Variants in MCF2L observed in about 807,000 individuals in gnomAD.
The protein encoded by MCF2L is MCF.2 cell line derived transforming sequence like, also known as guanine nucleotide exchange factor DBS.
Under a neutral mutation model 153.4 loss-of-function variants are expected in MCF2L, and 97 were observed. The ratio of observed to expected loss-of-function variants is 0.63; its 90% confidence interval spans 0.54 to 0.75. The LOEUF (loss-of-function observed/expected upper bound fraction) is 0.75, where lower values mean the gene tolerates loss of function less well. MCF2L is among the 30% of genes least tolerant of loss of function. MCF2L has a pLI of 0.00. For missense variants in MCF2L, 1,347 were observed against 1,495.2 expected (o/e 0.90, Z 1.64); for synonymous variants, 659 against 632.2 (o/e 1.04, Z -0.64).
At chr13:112,968,437 G>T, upstream of MCF2L, 2 of 1,584,672 alleles carry the variant, frequency 1.3e-6, no homozygotes, top group Non-Finnish European at 8.5e-7. Context: ...TGCGTGTGTC[G>T]AGTGCACAGT....
rs2087624647 is a variant in MCF2L, at chr13:113,054,873, A to T, written c.370-5720A>T. 6.6e-6 allele frequency: 1 copy of T among 152,244 alleles called. No individual in the cohort carries two copies. The highest frequency in any genetic ancestry group is 2.1e-4 in the South Asian group (1 of 4,824). 9.4% of individuals were successfully genotyped at this position (152,244 alleles called of 1,614,324 possible). A position where few individuals can be genotyped will look rare whatever the true frequency, so the allele number is the denominator to read the frequency against. On this transcript the variant is annotated intron_variant, in intron 4 of 29. Coordinates refer to ENST00000535094, the MANE Select transcript of MCF2L (RefSeq NM_001112732.3). This position sits in a 1 kb window ranked among gnomAD's most constrained non-coding sequence, Gnocchi z 5.2. ...GACTACAGTGCTGTGGTCATCACAC[A>T]TATCTGTTCCTAAGTTCATCCAGGT...
chr13:113,046,583 T>C lies in MCF2L; in HGVS notation c.369+1222T>C. On this transcript the variant is annotated intron_variant, in intron 4 of 29. Coordinates refer to ENST00000535094, the MANE Select transcript of MCF2L (RefSeq NM_001112732.3). The surrounding 1 kb of genome is among the most constrained non-coding windows in gnomAD (Gnocchi z 4.4). ...CTTTCCCCGCACATTGCCTCATTCC[T>C]TCATCTTTTACAAGAATTAGAGGCC... 1.9e-6 allele frequency: 1 copy of C among 533,388 alleles called. No homozygotes were observed. Among genetic ancestry groups the C allele is most frequent in the South Asian group, 1.4e-5 (1 of 71,572 alleles). 33.0% of individuals were successfully genotyped at this position (533,388 alleles called of 1,614,324 possible).
chr13:112,918,889 C>T (rs1040345382), intron 2 of MCF2L, among the ~76,000 whole-genome samples: 5 of 152,116 alleles, frequency 3.3e-5, no homozygotes, highest in Non-Finnish European at 7.4e-5. Flanking sequence ...CTGGATTACA[C>T]GGATTCTTGA....
intron 1 of MCF2L, among the ~76,000 whole-genome samples, chr13:112,986,244 C>T (rs570359065): frequency 1.6e-4 from 24 of 152,318 alleles, no homozygotes; most frequent in African/African-American, 5.5e-4. Flanking sequence ...TGCCATGTGG[C>T]GCTTTCCCGG....
chr13:113,061,731 CCCTCCCTCTT>C (rs2031477275), intron 5 of MCF2L, among the ~76,000 whole-genome samples: 2 of 99,796 alleles, frequency 2.0e-5, no homozygotes, highest in Non-Finnish European at 2.1e-5. Context: ...CCTTGCCCTC[CCCTCCCTCTT>C]CCCTTTCCCC....
chr13:112,899,135 C>G (rs2081096461), intron 1 of MCF2L, among the ~76,000 whole-genome samples: 1 of 152,268 alleles, frequency 6.6e-6, no homozygotes, highest in Non-Finnish European at 1.5e-5. Context: ...GCAAACGAGT[C>G]ACAAAGCCGT....
intron 2 of MCF2L, among the ~76,000 whole-genome samples, chr13:112,921,552 T>C (rs2081353127): frequency 6.6e-6 from 1 of 152,196 alleles, no homozygotes; most frequent in South Asian, 2.1e-4. Flanking sequence ...ACAGAAACCC[T>C]GAGGGAAGTC....
intron 2 of MCF2L, among the ~76,000 whole-genome samples, chr13:112,945,736 A>G (rs2081630411): frequency 6.6e-6 from 1 of 152,244 alleles, no homozygotes; most frequent in Non-Finnish European, 1.5e-5. Context: ...TAGTGGGAGA[A>G]TGATAAAGTG....
intron 26 of MCF2L, chr13:113,089,970 CA>C (rs2142077896): frequency 6.3e-7 from 1 of 1,597,434 alleles, no homozygotes. Context: ...GCCGAGCGTG[CA>C]ACCCGGAGCC....
intron 2 of MCF2L, among the ~76,000 whole-genome samples, chr13:113,015,913 T>C (rs1384486396): frequency 6.6e-6 from 1 of 152,132 alleles, no homozygotes; most frequent in African/African-American, 2.4e-5. Context: ...AGAGGCGCCG[T>C]GGTTTCTGCC....
chr13:113,088,424 G>A lies in MCF2L; in HGVS notation c.2767+19G>A, dbSNP rs569795196. ...TGTAGAGGTGAGGCTGTCTTCAAGCGATCGTTTCCCGTAGCTTCCGCTCCA... is the reference window on the plus strand; with the variant it reads ...TGTAGAGGTGAGGCTGTCTTCAAGCAATCGTTTCCCGTAGCTTCCGCTCCA... On this transcript the variant is annotated intron_variant, in intron 24 of 29. Coordinates refer to ENST00000535094, the MANE Select transcript of MCF2L (RefSeq NM_001112732.3). 28 of 1,613,482 alleles carry A rather than the reference G, an allele frequency of 1.7e-5. No homozygotes were observed. Among genetic ancestry groups the A allele is most frequent in the East Asian group, 1.6e-4 (7 of 44,882 alleles).
intron 1 of MCF2L, among the ~76,000 whole-genome samples, chr13:112,980,157 C>T (rs1432379940): frequency 6.6e-6 from 1 of 152,174 alleles, no homozygotes; most frequent in Non-Finnish European, 1.5e-5. Context: ...GATGAGGGTG[C>T]AGAGCTGTCA....
At chr13:112,968,223 C>T (rs942801713), upstream of MCF2L, among the ~76,000 whole-genome samples, 3 of 151,444 alleles carry the variant, frequency 2.0e-5, no homozygotes, top group Non-Finnish European at 2.9e-5. Context: ...CAGCTTCTGC[C>T]TCGGCCTCCG....
intron 2 of MCF2L, 85 bp downstream of exon 2, chr13:113,014,931 G>C (rs2084411366): frequency 7.9e-7 from 1 of 1,260,320 alleles, no homozygotes; most frequent in African/African-American, 1.5e-5. Context: ...CCTGGCCCAG[G>C]CTGGAGCTGG....
Position 113,064,775 on chromosome 13 carries a change from A to C in MCF2L, c.607-161A>C. The C allele has an allele frequency of 8.4e-6, 6 of 714,084 alleles. No homozygotes were observed. Among genetic ancestry groups the C allele is most frequent in the Non-Finnish European group, 1.4e-5 (6 of 438,708 alleles). 44.2% of individuals were successfully genotyped at this position (714,084 alleles called of 1,614,324 possible). Reference sequence around the variant, plus strand: ...GCCTGGTATGTTTCTGAAGAGGTCAAGGAGGGCAGGACGCTATGGGAGGGC... The same window carrying C: ...GCCTGGTATGTTTCTGAAGAGGTCACGGAGGGCAGGACGCTATGGGAGGGC... On this transcript the variant is annotated intron_variant, in intron 6 of 29. Coordinates refer to ENST00000535094, the MANE Select transcript of MCF2L (RefSeq NM_001112732.3). This position sits in a 1 kb window ranked among gnomAD's most constrained non-coding sequence, Gnocchi z 6.0.
chr13:112,913,534 T>G (rs1386077765), intron 2 of MCF2L, among the ~76,000 whole-genome samples: 2 of 152,222 alleles, frequency 1.3e-5, no homozygotes, highest in African/African-American at 4.8e-5. Context: ...GTTTACTCAA[T>G]AATTTTAAAA....
upstream of MCF2L, chr13:112,968,380 G>T: frequency 6.6e-7 from 1 of 1,509,260 alleles, no homozygotes; most frequent in Non-Finnish European, 8.8e-7. Context: ...GGCGGCCATG[G>T]CCCTGCATAG....
intron 4 of MCF2L, among the ~76,000 whole-genome samples, chr13:113,057,547 G>A (rs113051014): frequency 0.071 from 9,859 of 139,506 alleles, 495 homozygotes; most frequent in African/African-American, 0.13. Context: ...TAGTAGCTGC[G>A]TGTTTGCTGT....
chr13:112,975,817 G>A (rs1385358017), intron 1 of MCF2L, among the ~76,000 whole-genome samples: 1 of 152,244 alleles, frequency 6.6e-6, no homozygotes, highest in Non-Finnish European at 1.5e-5. Context: ...CACGGTGATA[G>A]AGGTGACATC....
Sources: allele counts gnomAD v4.1 joint callset (sites outside exome capture counted in the v4.1 genomes callset), GRCh38; gene constraint gnomAD v4.1.1; non-coding constraint Gnocchi (gnomAD v3.1); transcripts MANE v1.5; gene names NCBI Gene and HGNC (gene_info 2026-07-23, HGNC 2026-07-21).